The following SLC22A6 variants were observed in gnomAD, a reference collection of about 807,000 sequenced individuals.
The protein encoded by SLC22A6 is solute carrier family 22 member 6.
A neutral mutation model predicts 56.7 loss-of-function variants in SLC22A6; 45 were observed. The ratio of observed to expected loss-of-function variants is 0.79; its 90% CI spans 0.63 to 1.02. SLC22A6 has a LOEUF of 1.02. SLC22A6 is among the 50% of genes least tolerant of loss of function. The pLI, the probability that SLC22A6 is intolerant of heterozygous loss-of-function variation, is 0.00. For synonymous variants in SLC22A6, 291 were observed against 295.9 expected (o/e 0.98, Z 0.17); for missense variants, 606 against 713.8 (o/e 0.85, Z 1.72).
intron 4 of SLC22A6, 130 bp from the exon 5 acceptor site, chr11:62,981,513 C>G (rs1284926528): frequency 1.5e-6 from 1 of 654,850 alleles, no homozygotes; most frequent in Non-Finnish European, 2.6e-6. Flanking sequence ...GGGGCCTTGC[C>G]AAATCCCTCT....
At position 62,977,265 on chromosome 11, in the gene SLC22A6, A is replaced by T; in HGVS notation, c.1484T>A (p.Val495Glu). 6.2e-7 allele frequency: 1 copy of T among 1,614,160 alleles called. No individual in the cohort carries two copies. Among genetic ancestry groups the T allele is most frequent in the Non-Finnish European group, 8.5e-7 (1 of 1,180,044 alleles). Residue 495 changes from valine (V) to glutamate (E), a missense_variant, in exon 9 of 10, where the codon GTG becomes GAG. Coordinates refer to ENST00000360421, the MANE Select transcript of SLC22A6 (RefSeq NM_153276.3). ...MPLFIYGAVP[V>E]AASAVTVLLP... The stretch of plus-strand genomic sequence containing the variant: ...GAGGACAGTGACAGCGCTGGCGGCC[A>T]CAGGAACAGCACCGTAGATGAAGAG...
intron 1 of SLC22A6, 56 bp from the exon 2 acceptor site, chr11:62,984,103 C>T: frequency 7.6e-7 from 1 of 1,319,002 alleles, no homozygotes; most frequent in Non-Finnish European, 1.1e-6. Context: ...AGAGAATCCC[C>T]TTCCCCCACT....
intron 8 of SLC22A6, among the ~76,000 whole-genome samples, chr11:62,979,114 C>T (rs1414182577): frequency 6.6e-6 from 1 of 152,330 alleles, no homozygotes; most frequent in Non-Finnish European, 1.5e-5. Context: ...GTGGCCTTTG[C>T]TTTCAGATAT....
chr11:62,978,763 T>C (rs548489770), intron 8 of SLC22A6, among the ~76,000 whole-genome samples: 1 of 152,272 alleles, frequency 6.6e-6, no homozygotes, highest in Non-Finnish European at 1.5e-5. Flanking sequence ...AGCTAATTTT[T>C]GTATTTTTAG....
At position 62,979,867 on chromosome 11, in the gene SLC22A6, G is replaced by GAT; in HGVS notation, c.1117_1118dup (p.Phe374SerfsTer42). 1 of 1,614,180 alleles carries GAT rather than the reference G, an allele frequency of 6.2e-7. No individual in the cohort carries two copies. Among genetic ancestry groups the GAT allele is most frequent in the East Asian group, 2.2e-5 (1 of 44,884 alleles). ...TGGCAGGCAGGTCCACAGCACCAAA[G>GAT]ATCACCTGGATTAGGTAGATGCTGA... On this transcript the variant is annotated frameshift_variant, in exon 7 of 10. Transcript: ENST00000360421. LOFTEE classifies it high-confidence loss of function.
At chr11:62,979,230 G>T (rs1462905202) in intron 8 of SLC22A6, among the ~76,000 whole-genome samples, 1 of 152,146 alleles carries the variant, frequency 6.6e-6, no homozygotes, top group Non-Finnish European at 1.5e-5. Context: ...GTGTCTTCTT[G>T]GTTCCTTACC....
intron 1 of SLC22A6, 64 bp from the exon 2 acceptor site, chr11:62,984,111 A>T: frequency 7.8e-7 from 1 of 1,287,692 alleles, no homozygotes; most frequent in Non-Finnish European, 1.1e-6. Context: ...CCCTTCCCCC[A>T]CTTCAGCTGG....
At chr11:62,984,267 CA>C (rs1200550663) in intron 1 of SLC22A6, 54 bp downstream of exon 1, 11 of 1,416,796 alleles carry the variant, frequency 7.8e-6, no homozygotes, top group African/African-American at 1.5e-5. Flanking sequence ...TTTTTTTTAA[CA>C]AAGGCCCCCA....
intron 8 of SLC22A6, among the ~76,000 whole-genome samples, 155 bp downstream of exon 8, chr11:62,979,333 G>C (rs917455512): frequency 6.6e-6 from 1 of 152,198 alleles, no homozygotes; most frequent in African/African-American, 2.4e-5. Context: ...CATGAGGTGT[G>C]TACTCAGTGG....
chr11:62,982,001 C>A lies in SLC22A6; in HGVS notation c.638G>T (p.Trp213Leu). Residue 213 changes from tryptophan to leucine, a missense_variant, in exon 4 of 10, where the codon TGG (tryptophan) becomes TTG (leucine). Coordinates refer to ENST00000360421, the MANE Select transcript of SLC22A6 (RefSeq NM_153276.3). ...SLNCMTLNVE[W>L]MPIHTRACVG... ...GCAGGCCCGTGTGTGAATGGGCATC[C>A]ACTCCACATCTGGAAAGAGGGTTAA... 1 of 1,613,548 alleles carries A rather than the reference C, an allele frequency of 6.2e-7. No homozygotes were observed. Among genetic ancestry groups the A allele is most frequent in the Non-Finnish European group, 8.5e-7 (1 of 1,179,774 alleles).
At chr11:62,980,166 G>A (rs957767097) in intron 6 of SLC22A6, among the ~76,000 whole-genome samples, 1 of 152,152 alleles carries the variant, frequency 6.6e-6, no homozygotes, top group African/African-American at 2.4e-5. Context: ...GATAACTAGG[G>A]TTGCAGTTAA....
chr11:62,977,862 A>G (rs1337826237), intron 8 of SLC22A6, among the ~76,000 whole-genome samples: 1 of 152,210 alleles, frequency 6.6e-6, no homozygotes, highest in Non-Finnish European at 1.5e-5. Context: ...ACATACACCT[A>G]TTGGATTAGA....
Position 62,983,198 on chromosome 11 carries a change from T to C in SLC22A6, c.628+339A>G, listed in dbSNP as rs1280325440. 2.6e-5 allele frequency among the ~76,000 whole-genome samples: 4 copies of C among 152,022 alleles called. No individual in the cohort carries two copies. Among genetic ancestry groups the C allele is most frequent in the African/African-American group, 4.8e-5 (2 of 41,400 alleles). On this transcript the variant is annotated intron_variant, in intron 3 of 9. Transcript: ENST00000360421. This position sits in a 1 kb window ranked among gnomAD's most constrained non-coding sequence, Gnocchi z 4.5. ...TAGCTGGGACTACAGGCGCCTGCCA[T>C]CACACCTGGCTAATTTTTTGTATTT... is the stretch of plus-strand genomic sequence containing the variant.
Position 62,979,803 on chromosome 11 carries a change from G to A in SLC22A6, c.1183C>T (p.Arg395Trp), listed in dbSNP as rs760291018. 7.4e-6 allele frequency: 12 copies of A among 1,614,064 alleles called. No homozygotes were observed. The highest frequency in any genetic ancestry group is 1.7e-5 in the Admixed American group (1 of 60,006). Residue 395 changes from arginine (R) to tryptophan (W), a missense_variant, in exon 7 of 10, where the codon CGG becomes TGG. Physicochemically the swap from Arg to Trp is moderately radical, Grantham distance 101. Transcript: ENST00000360421. Reference protein sequence around the residue: ...GFLVINSLGRRPAQMAALLLA... With the variant: ...GFLVINSLGRWPAQMAALLLA... ...AGCAGTGCAGCCATCTGGGCAGGCCGGCGACCCAGGGAGTTGATGACAAGG... is the reference window on the plus strand; with the variant it reads ...AGCAGTGCAGCCATCTGGGCAGGCCAGCGACCCAGGGAGTTGATGACAAGG...
In SLC22A6 at chr11:62,983,634, G is replaced by A. The variant is rs2086281298; in HGVS notation, c.531C>T (p.Thr177=). 3 of 1,611,790 alleles carry A rather than the reference G, an allele frequency of 1.9e-6. No individual in the cohort carries two copies. The South Asian group carries it at 3.3e-5, about 18-fold the overall frequency. ...LNYLQTAVSG[T]CAAFAPNFPI... ...GGAAGTTGGGTGCGAAGGCTGCGCA[G>A]GTCCCTGACACAGCTGTCTGCAGGT... The change falls in exon 3 of 10, where the codon ACC becomes ACT. Residue 177 remains threonine (T), a synonymous_variant. Transcript: ENST00000360421. This position sits in a 1 kb window ranked among gnomAD's most constrained non-coding sequence, Gnocchi z 4.5.
chr11:62,976,678 G>T lies in SLC22A6; in HGVS notation c.*116C>A. 3 of 829,484 alleles carry T rather than the reference G, an allele frequency of 3.6e-6. No homozygotes were observed. The highest frequency in any genetic ancestry group is 1.7e-5 in the African/African-American group (1 of 58,306). The allele number at this position is 829,484 out of a possible 1,614,324, so 51.4% of individuals were successfully genotyped here. On this transcript the variant is annotated 3_prime_UTR_variant, in exon 10 of 10. Coordinates refer to ENST00000360421, the MANE Select transcript of SLC22A6 (RefSeq NM_153276.3). Reference sequence around the variant, plus strand: ...TGGACCCCTGGGAAGATGCTTTCCTGAACCACAACCCCCACACTTGGGTCA... The same window carrying T: ...TGGACCCCTGGGAAGATGCTTTCCTTAACCACAACCCCCACACTTGGGTCA...
At position 62,984,838 on chromosome 11, in the gene SLC22A6, T is replaced by C; in HGVS notation, c.-148A>G. The C allele has an allele frequency of 1.3e-6, 1 of 773,508 alleles. No homozygotes were observed. Among genetic ancestry groups the C allele is most frequent in the South Asian group, 1.8e-5 (1 of 54,194 alleles). 47.9% of individuals were successfully genotyped at this position (773,508 alleles called of 1,614,324 possible). A position where few individuals can be genotyped will look rare whatever the true frequency, so the allele number is the denominator to read the frequency against. On this transcript the variant is annotated 5_prime_UTR_variant, in exon 1 of 10. Transcript: ENST00000360421. ...GCTCCGGGAGCTGAGTCCGAGCTGC[T>C]CTGTGGGGGGACAGCAGCCTCCTTG...
rs959744718 is a variant in SLC22A6 at position 62,978,046 on chromosome 11, C to T, written c.1362-659G>A. On this transcript the variant is annotated intron_variant, in intron 8 of 9. Coordinates refer to ENST00000360421, the MANE Select transcript of SLC22A6 (RefSeq NM_153276.3). ...TAACCTCTCTTTGCCTCAGCTTTCA[C>T]GTTTGTAAATGGGAATAATGATAGT... Among the ~76,000 whole-genome samples, 8 of 152,174 alleles carry T rather than the reference C, an allele frequency of 5.3e-5. No homozygotes were observed. In the South Asian group the frequency reaches 1.7e-3, roughly 32 times the overall value.
At chr11:62,980,114 T>C (rs1280780173) in intron 6 of SLC22A6, among the ~76,000 whole-genome samples, 166 bp from the exon 7 acceptor site, 1 of 152,246 alleles carries the variant, frequency 6.6e-6, no homozygotes, top group Non-Finnish European at 1.5e-5. Flanking sequence ...AGAGTTTAAG[T>C]ATTGAGGTAG....
Sources: gnomAD v4.1 joint callset for allele counts (sites outside exome capture counted in the v4.1 genomes callset) on GRCh38, gnomAD v4.1.1 for gene constraint, Gnocchi (gnomAD v3.1) non-coding constraint, MANE v1.5 for transcripts, NCBI Gene and HGNC (gene_info 2026-07-23, HGNC 2026-07-21) for gene names.